ANKRD26: variants seen among roughly 807,000 people sequenced by gnomAD.
ANKRD26 encodes ankyrin repeat domain 26.
In ANKRD26, 141 loss-of-function variants were observed where a neutral mutation model predicts 208.7. The ratio of observed to expected loss-of-function variants is 0.68; its 90% confidence interval spans 0.59 to 0.78. ANKRD26 has a LOEUF of 0.78. ANKRD26 is among the 30% of genes least tolerant of loss of function. ANKRD26 has a pLI of 0.00. For missense variants in ANKRD26, 1,889 were observed against 1,938.7 expected (o/e 0.97, Z 0.48); for synonymous variants, 636 against 660.4 (o/e 0.96, Z 0.57).
At chr10:26,997,999 GGGT>G (rs1012981375) in intron 4 of ANKRD26, among the ~76,000 whole-genome samples, 9 of 152,106 alleles carry the variant, frequency 5.9e-5, no homozygotes, top group African/African-American at 9.7e-5. Context: ...GCCTGGTGTT[GGGT>G]CTGATTACCC....
chr10:27,011,450 CAGT>C (rs2053106990), intron 32 of ANKRD26, among the ~76,000 whole-genome samples: 1 of 152,094 alleles, frequency 6.6e-6, no homozygotes, highest in African/African-American at 2.4e-5. Context: ...TTTGTTCCCC[CAGT>C]CAAAAATGGT....
At chr10:26,975,543 T>C (rs887022018) in exon 6 of ANKRD26, among the ~76,000 whole-genome samples, 13 of 151,360 alleles carry the variant, frequency 8.6e-5, no homozygotes, top group Non-Finnish European at 1.9e-4. Context: ...ACACAGTTTC[T>C]AAAGAGGAGC....
chr10:27,057,695 T>G (rs1054534379), intron 15 of ANKRD26, among the ~76,000 whole-genome samples: 4 of 152,100 alleles, frequency 2.6e-5, no homozygotes, highest in African/African-American at 9.7e-5. Context: ...TCCCAGCACT[T>G]TGGGAGGCCA....
rs1464575626 is a variant in ANKRD26 at position 27,067,267 on chromosome 10, C to T, written c.1097G>A (p.Gly366Asp). 2 of 1,613,216 alleles carry T rather than the reference C, an allele frequency of 1.2e-6. No homozygotes were observed. Among genetic ancestry groups the T allele is most frequent in the Non-Finnish European group, 1.7e-6 (2 of 1,179,854 alleles). ...GLMKEEPTKP[G>D]IAKKENGIDI... is the part of the protein sequence containing the mutation. The stretch of plus-strand genomic sequence containing the variant: ...AATACCATTTTCTTTTTTTGCAATG[C>T]CTGGCTTTGTTGGTTCTTCCTATTA... The change falls in exon 10 of 34, where the codon GGC (glycine) becomes GAC (aspartate). Residue 366 changes from glycine to aspartate, a missense_variant. By Grantham distance (94) the Gly-to-Asp change is moderately conservative (BLOSUM62 -1). This residue lies in a region of ANKRD26 where 1,272 missense variants were observed against 1,273.8 expected (regional missense o/e 1.00). Coordinates refer to ENST00000376087, the MANE Select transcript of ANKRD26 (RefSeq NM_014915.3).
chr10:26,995,580 T>G (rs1381861348), intron 4 of ANKRD26, among the ~76,000 whole-genome samples: 4 of 152,214 alleles, frequency 2.6e-5, no homozygotes, highest in Non-Finnish European at 5.9e-5. Context: ...GGTATCCAGT[T>G]CCTACAATAG....
intron 3 of ANKRD26, 102 bp downstream of exon 3, chr10:27,093,247 G>T: frequency 9.4e-7 from 1 of 1,063,340 alleles, no homozygotes; most frequent in Non-Finnish European, 1.4e-6. Context: ...TTCAGTCAGG[G>T]AATGCTTGCG....
chr10:26,951,418 T>A, the ANKRD26 span, among the ~76,000 whole-genome samples: 5 of 152,208 alleles, frequency 3.3e-5, no homozygotes, highest in Admixed American at 2.0e-4. Flanking sequence ...TGTTTTCTTT[T>A]ATACCTGCAA....
At chr10:27,052,221 T>C in intron 16 of ANKRD26, 1 of 962,552 alleles carries the variant, frequency 1.0e-6, no homozygotes, top group Non-Finnish European at 1.2e-6. Flanking sequence ...CTATGTTTAG[T>C]TACTCCCAAA....
chr10:27,035,261 A>T lies in ANKRD26; in HGVS notation c.3189T>A (p.Ser1063=), dbSNP rs1295707933. ...SNLKDNNEIL[S]QQLFKTESKL... is the part of the protein sequence containing the mutation. ...TACTTTCAGTTTTAAATAGTTGTTG[A>T]GAAAGAATCTCATTGTTATCTTTTA... Residue 1063 remains serine (S), a synonymous_variant, in exon 24 of 34, where the codon TCT becomes TCA. Coordinates refer to ENST00000376087, the MANE Select transcript of ANKRD26 (RefSeq NM_014915.3). 2.9e-5 allele frequency: 46 copies of T among 1,613,846 alleles called. No individual in the cohort carries two copies. The highest frequency in any genetic ancestry group is 3.9e-5 in the Non-Finnish European group (46 of 1,179,926).
chr10:26,962,952 A>G, the ANKRD26 span, among the ~76,000 whole-genome samples: 7 of 152,172 alleles, frequency 4.6e-5, no homozygotes, highest in Admixed American at 6.5e-5. Context: ...GCACTTTTCT[A>G]GGCACCTTTC....
chr10:26,954,910 G>A, the ANKRD26 span, among the ~76,000 whole-genome samples: 15 of 149,848 alleles, frequency 1.0e-4, no homozygotes, highest in South Asian at 1.9e-3. Context: ...CTTTGTGGGC[G>A]GGCAGCTATC....
the ANKRD26 span, among the ~76,000 whole-genome samples, chr10:26,951,027 T>C: frequency 6.8e-6 from 1 of 146,732 alleles, no homozygotes; most frequent in Non-Finnish European, 1.5e-5. Context: ...TTCTTTTTTT[T>C]TTTTTTTTTT....
At chr10:26,982,079 C>T (rs1418285142) in intron 4 of ANKRD26, among the ~76,000 whole-genome samples, 1 of 152,122 alleles carries the variant, frequency 6.6e-6, no homozygotes, top group African/African-American at 2.4e-5. Flanking sequence ...ACAACATAGA[C>T]AATATGGCAG....
chr10:27,057,676 C>A (rs2054884942), intron 15 of ANKRD26, among the ~76,000 whole-genome samples: 1 of 152,228 alleles, frequency 6.6e-6, no homozygotes, highest in Non-Finnish European at 1.5e-5. Context: ...CAGTGGCTCA[C>A]ACCTGTAATC....
chr10:27,083,734 A>G lies in ANKRD26; in HGVS notation c.710-901T>C, dbSNP rs929486560. Among the ~76,000 whole-genome samples, 6 of 152,380 alleles carry G rather than the reference A, an allele frequency of 3.9e-5. No individual in the cohort carries two copies. In the South Asian group the frequency reaches 8.3e-4, roughly 21 times the overall value. On this transcript the variant is annotated intron_variant, in intron 5 of 33. Coordinates refer to ENST00000376087, the MANE Select transcript of ANKRD26 (RefSeq NM_014915.3). ...AGCTTCCTTGTTTCCCAATCCCTTT[A>G]CATGGTTACCTTCCATCTATCCTGT...
chr10:27,083,697 A>C (rs2056009840), intron 5 of ANKRD26, among the ~76,000 whole-genome samples: 2 of 152,270 alleles, frequency 1.3e-5, no homozygotes, highest in Admixed American at 6.5e-5. Context: ...CTATGGCTTT[A>C]ACTACTGCAA....
chr10:27,017,280 T>C (rs1378848329), intron 30 of ANKRD26, among the ~76,000 whole-genome samples: 1 of 152,210 alleles, frequency 6.6e-6, no homozygotes, highest in East Asian at 1.9e-4. Flanking sequence ...CTGGTCTTAA[T>C]AGTCAAATAA....
intron 9 of ANKRD26, among the ~76,000 whole-genome samples, chr10:27,071,421 G>A (rs563601851): frequency 4.0e-5 from 6 of 151,188 alleles, no homozygotes; most frequent in Non-Finnish European, 5.9e-5. Context: ...TGATCCGCCC[G>A]CCTCGGCTTG....
At chr10:26,971,613 T>C (rs1267290213), downstream of ANKRD26, among the ~76,000 whole-genome samples, 2 of 147,740 alleles carry the variant, frequency 1.4e-5, no homozygotes, top group Non-Finnish European at 3.0e-5. Flanking sequence ...GAGGTGGAGG[T>C]TGCAGTGAGC....
Sources: allele counts gnomAD v4.1 joint callset (sites outside exome capture counted in the v4.1 genomes callset), GRCh38; gene constraint gnomAD v4.1.1; regional missense constraint gnomAD v4.1.1; transcripts MANE v1.5; gene names NCBI Gene and HGNC (gene_info 2026-07-23, HGNC 2026-07-21).